The following CNTN4 variants were observed in gnomAD, a reference collection of about 807,000 sequenced individuals.
The protein encoded by CNTN4 is contactin 4, also known as contactin-4.
A neutral mutation model predicts 122.5 loss-of-function variants in CNTN4; 77 were observed. The ratio of observed to expected loss-of-function variants is 0.63; its 90% CI spans 0.52 to 0.76. The LOEUF is 0.76. Among genes scored for constraint, CNTN4 ranks in the 30% least tolerant of loss-of-function variants. The probability of loss-of-function intolerance (pLI) is 0.00; values close to 1 mark genes in which losing one functional copy is unlikely to be tolerated. For missense variants in CNTN4, 1,256 were observed against 1,259.1 expected (o/e 1.00, Z 0.04); for synonymous variants, 512 against 447.0 (o/e 1.15, Z -1.83).
At chr3:2,391,114 T>C (rs984678271) in intron 3 of CNTN4, among the ~76,000 whole-genome samples, 15 of 152,310 alleles carry the variant, frequency 9.8e-5, no homozygotes, top group African/African-American at 3.6e-4. Context: ...CTGCACTACC[T>C]GTGGGCATCT....
At chr3:2,287,664 GAAGAA>G (rs2041963537) in intron 2 of CNTN4, among the ~76,000 whole-genome samples, 1 of 43,390 alleles carries the variant, frequency 2.3e-5, no homozygotes, top group Non-Finnish European at 5.2e-5. Context: ...AGAAGAAGAA[GAAGAA>G]GAAGAAGAAG....
chr3:2,109,452 G>A (rs2032769675), intron 2 of CNTN4, among the ~76,000 whole-genome samples: 1 of 151,992 alleles, frequency 6.6e-6, no homozygotes, highest in South Asian at 2.1e-4. Context: ...CTACCTTTGG[G>A]CTGAACTTTT....
intron 3 of CNTN4, among the ~76,000 whole-genome samples, chr3:2,471,317 G>C (rs999307045): frequency 2.0e-5 from 3 of 152,304 alleles, no homozygotes; most frequent in Middle Eastern, 6.8e-3. Flanking sequence ...AAAATCCTAG[G>C]TGGAAAAGAA....
chr3:3,006,119 G>A (rs553195790), intron 14 of CNTN4, among the ~76,000 whole-genome samples: 75 of 151,764 alleles, frequency 4.9e-4, no homozygotes, highest in Non-Finnish European at 8.2e-4. Context: ...CTTGTGATCC[G>A]CCCGCCTCGG....
intron 4 of CNTN4, among the ~76,000 whole-genome samples, chr3:2,579,554 A>C (rs1379770059): frequency 6.6e-6 from 1 of 152,130 alleles, no homozygotes; most frequent in East Asian, 1.9e-4. Context: ...TTTATCTGTA[A>C]AACAGGCAAA....
chr3:2,430,095 A>G (rs901665621), intron 3 of CNTN4, among the ~76,000 whole-genome samples: 105 of 152,096 alleles, frequency 6.9e-4, no homozygotes, highest in African/African-American at 2.4e-3. Context: ...CTGTCCGACA[A>G]TCCCCAGTGA....
At chr3:2,557,600 G>A (rs2078772798) in intron 3 of CNTN4, among the ~76,000 whole-genome samples, 1 of 151,960 alleles carries the variant, frequency 6.6e-6, no homozygotes, top group Non-Finnish European at 1.5e-5. Flanking sequence ...GTGGTGGCGG[G>A]CGCCTGTAGT....
intron 3 of CNTN4, among the ~76,000 whole-genome samples, chr3:2,461,488 C>T (rs1029499034): frequency 2.0e-5 from 3 of 152,152 alleles, no homozygotes; most frequent in African/African-American, 7.2e-5. Flanking sequence ...CTCTCCCAGG[C>T]TGGCCAGCTA....
chr3:2,956,676 A>G (rs572357232), intron 13 of CNTN4, among the ~76,000 whole-genome samples: 9 of 152,234 alleles, frequency 5.9e-5, no homozygotes, highest in Non-Finnish European at 1.3e-4. Context: ...ATATTATATA[A>G]TGATTACCAC....
At chr3:2,192,694 A>G (rs1272347392) in intron 2 of CNTN4, among the ~76,000 whole-genome samples, 1 of 152,198 alleles carries the variant, frequency 6.6e-6, no homozygotes, top group Non-Finnish European at 1.5e-5. Flanking sequence ...GAGCAGTTGG[A>G]GTTATACAGA....
intron 6 of CNTN4, among the ~76,000 whole-genome samples, chr3:2,791,643 A>G (rs901674326): frequency 3.3e-5 from 5 of 152,204 alleles, no homozygotes; most frequent in African/African-American, 1.2e-4. Flanking sequence ...TACTTTTCTC[A>G]GCTACTGTAA....
chr3:2,319,882 C>A (rs1479647811), intron 2 of CNTN4, among the ~76,000 whole-genome samples: 1 of 152,074 alleles, frequency 6.6e-6, no homozygotes, highest in Non-Finnish European at 1.5e-5. Flanking sequence ...TTTTTCAAGT[C>A]CCTCATTTGT....
chr3:2,868,707 G>A (rs2150852229), intron 8 of CNTN4, among the ~76,000 whole-genome samples: 1 of 152,280 alleles, frequency 6.6e-6, no homozygotes. Flanking sequence ...CCACTATGCT[G>A]AGTGCTGGTG....
At chr3:2,502,825 A>C (rs2076632718) in intron 3 of CNTN4, among the ~76,000 whole-genome samples, 2 of 152,118 alleles carry the variant, frequency 1.3e-5, no homozygotes, top group Non-Finnish European at 2.9e-5. Context: ...TGACTCTGAC[A>C]CAAAAGTTCT....
intron 13 of CNTN4, among the ~76,000 whole-genome samples, chr3:2,943,630 A>ATATATT (rs1553702084): frequency 1.4e-4 from 18 of 128,232 alleles, no homozygotes; most frequent in Admixed American, 5.1e-4. Flanking sequence ...ATATATATAT[A>ATATATT]TTTTTTTTTT....
At chr3:2,319,773 G>C (rs1200234098) in intron 2 of CNTN4, among the ~76,000 whole-genome samples, 2 of 152,096 alleles carry the variant, frequency 1.3e-5, no homozygotes, top group African/African-American at 4.8e-5. Flanking sequence ...ACCGATTTTT[G>C]ACTTCATGGG....
At position 2,512,163 on chromosome 3, in the gene CNTN4, C is replaced by G. The variant is rs1002891850; in HGVS notation, c.-88-59253C>G. Among the ~76,000 whole-genome samples the G allele has an allele frequency of 5.9e-5, 9 of 152,158 alleles. No homozygotes were observed. The South Asian group carries it at 1.7e-3, about 28-fold the overall frequency. On this transcript the variant is annotated intron_variant, in intron 3 of 24. Coordinates refer to ENST00000418658, the MANE Select transcript of CNTN4 (RefSeq NM_175607.3). ...CTGCTGCTACTAAGAAAGGCAGAAA[C>G]AGAAAAGTTTCTCTTGTTTTTCAGT... is the stretch of plus-strand genomic sequence containing the variant.
intron 3 of CNTN4, among the ~76,000 whole-genome samples, chr3:2,464,163 G>C (rs946053034): frequency 6.6e-6 from 1 of 152,088 alleles, no homozygotes; most frequent in Non-Finnish European, 1.5e-5. Context: ...TCTATCCTAG[G>C]TACTAGAATA....
At chr3:2,287,461 G>A (rs1455747832) in intron 2 of CNTN4, among the ~76,000 whole-genome samples, 2 of 151,772 alleles carry the variant, frequency 1.3e-5, no homozygotes, top group Non-Finnish European at 2.9e-5. Context: ...AATTAGCAGG[G>A]CATGGTGGTG....
Sources: allele counts gnomAD v4.1 joint callset (sites outside exome capture counted in the v4.1 genomes callset), GRCh38; gene constraint gnomAD v4.1.1; transcripts MANE v1.5; gene names NCBI Gene and HGNC (gene_info 2026-07-23, HGNC 2026-07-21).